ADCY7: variants seen among roughly 807,000 people sequenced by gnomAD.
ADCY7 encodes the protein adenylate cyclase 7.
Under a neutral mutation model 120.6 loss-of-function variants are expected in ADCY7, and 72 were observed. That is an observed-to-expected ratio of 0.60 (90% CI 0.49 to 0.73). The LOEUF is 0.73. Ranked by LOEUF, ADCY7 falls within the 30% of genes least tolerant of loss-of-function variation. ADCY7 has a pLI of 0.00. For missense variants in ADCY7, 1,227 were observed against 1,486.0 expected, an observed-to-expected ratio of 0.83 and a Z score of 2.87; for synonymous variants, 661 against 628.0, an observed-to-expected ratio of 1.05 and a Z score of -0.78.
intron 1 of ADCY7, among the ~76,000 whole-genome samples, chr16:50,259,499 T>A (rs1858124564): frequency 6.6e-6 from 1 of 152,226 alleles, no homozygotes; most frequent in South Asian, 2.1e-4. Flanking sequence ...CTGCTGTTAC[T>A]CAACACACCA....
chr16:50,291,674 C>T (rs549089973), intron 3 of ADCY7, 62 bp from the exon 4 acceptor site: 52 of 1,603,798 alleles, frequency 3.2e-5, no homozygotes, highest in Middle Eastern at 1.7e-4. Context: ...TGCAGGGTTC[C>T]GGGGGCTGTA....
intron 6 of ADCY7, among the ~76,000 whole-genome samples, chr16:50,294,163 G>A (rs911633766): frequency 6.6e-6 from 1 of 152,200 alleles, no homozygotes; most frequent in South Asian, 2.1e-4. Flanking sequence ...AAGTCTCAAT[G>A]TCCTGGAGCC....
chr16:50,294,403 G>A (rs1049063130), intron 6 of ADCY7, among the ~76,000 whole-genome samples: 12 of 152,206 alleles, frequency 7.9e-5, no homozygotes, highest in African/African-American at 2.4e-4. Context: ...GTGGGGCCGA[G>A]GGCTCCTGTA....
Position 50,313,127 on chromosome 16 carries a change from A to C in ADCY7, c.2751+91A>C, listed in dbSNP as rs990632065. 10 of 1,537,184 alleles carry C rather than the reference A, an allele frequency of 6.5e-6. No individual in the cohort carries two copies. The Admixed American group carries it at 9.1e-5, about 14-fold the overall frequency. ...ACCTGCCATCCTAAAACCCAATTTA[A>C]AAATGTGACACAGAGCTGGGCAAGG... is the stretch of plus-strand genomic sequence containing the variant. On this transcript the variant is annotated intron_variant, in intron 22 of 25. Coordinates refer to ENST00000673801, the MANE Select transcript of ADCY7 (RefSeq NM_001114.5).
At chr16:50,295,001 TGGGGCTCTGGAGCTCAGATG>T (rs2035253325) in intron 7 of ADCY7, among the ~76,000 whole-genome samples, 1 of 152,076 alleles carries the variant, frequency 6.6e-6, no homozygotes, top group African/African-American at 2.4e-5. Context: ...GGCGATATAC[TGGGGCTCTGGAGCTCAGATG>T]GGGGCTCAGG....
chr16:50,287,505 G>C (rs1204193381), intron 1 of ADCY7, among the ~76,000 whole-genome samples: 2 of 151,816 alleles, frequency 1.3e-5, no homozygotes. Context: ...CTGGGCAGCA[G>C]GGGGAGACGC....
chr16:50,305,781 TG>T lies in ADCY7; in HGVS notation c.1685del (p.Cys562SerfsTer41). The T allele has an allele frequency of 6.2e-7, 1 of 1,613,920 alleles. No individual in the cohort carries two copies. The highest frequency in any genetic ancestry group is 1.1e-5 in the South Asian group (1 of 91,082). On this transcript the variant is annotated frameshift_variant, in exon 14 of 26. Transcript: ENST00000673801. LOFTEE classifies it high-confidence loss of function. ...AIEGLSSTRPCCSKSDDFYTF... is the reference protein window; with the variant it reads ...AIEGLSSTRPXCSKSDDFYTF... Reference sequence around the variant, plus strand: ...CGCAGCTGCCCCCGCCCACAGGCCCTGCTGCTCCAAGTCCGATGACTTCTAC... The same window carrying T: ...CGCAGCTGCCCCCGCCCACAGGCCCTCTGCTCCAAGTCCGATGACTTCTAC...
rs1434260495 is a variant in ADCY7 at position 50,316,603 on chromosome 16, G to C, written c.*1098G>C. On this transcript the variant is annotated 3_prime_UTR_variant, in exon 26 of 26. Transcript: ENST00000673801. ...GCATGGGTGCATGCAGAGGCTCCTG[G>C]ATCTGGGAAGCCCGCCCCCTCACAA... is the stretch of plus-strand genomic sequence containing the variant. 6.6e-6 allele frequency: 1 copy of C among 152,304 alleles called. No homozygotes were observed. Among genetic ancestry groups the C allele is most frequent in the African/African-American group, 2.4e-5 (1 of 41,432 alleles). The allele number at this position is 152,304 out of a possible 1,614,324, so 9.4% of individuals were successfully genotyped here. A position where few individuals can be genotyped will look rare whatever the true frequency, so the allele number is the denominator to read the frequency against.
upstream of ADCY7, among the ~76,000 whole-genome samples, chr16:50,265,419 G>A: frequency 6.6e-6 from 1 of 152,206 alleles, no homozygotes; most frequent in East Asian, 1.9e-4. Flanking sequence ...TAGATCACCT[G>A]CTAGTTCCCT....
At chr16:50,264,830 G>C (rs2033149907), upstream of ADCY7, among the ~76,000 whole-genome samples, 1 of 143,334 alleles carries the variant, frequency 7.0e-6, no homozygotes, top group Non-Finnish European at 1.5e-5. Context: ...GTTTGTGGGA[G>C]GTCTTTTTTT....
At position 50,246,945 on chromosome 16, in the gene ADCY7, G is replaced by A. The variant is rs1043902024; in HGVS notation, c.-64+742G>A. 2.6e-5 allele frequency among the ~76,000 whole-genome samples: 4 copies of A among 152,336 alleles called. No homozygotes were observed. In the East Asian group the frequency reaches 7.7e-4, roughly 29 times the overall value. ...CAGAGCTGAAGCTGGAAATGACCAC[G>A]TGGGCGCCGTGGACAGAAGTAGAGC... is the stretch of plus-strand genomic sequence containing the variant. On this transcript the variant is annotated intron_variant, in intron 1 of 4. Coordinates refer to the ADCY7 transcript ENST00000564044.
intron 1 of ADCY7, among the ~76,000 whole-genome samples, chr16:50,276,832 A>G (rs1014877322): frequency 5.3e-5 from 8 of 152,152 alleles, no homozygotes; most frequent in Admixed American, 2.0e-4. Context: ...GGTCTTAAGC[A>G]GTCCTCCTGC....
chr16:50,305,515 C>A lies in ADCY7; in HGVS notation c.1608C>A (p.Pro536=). The stretch of plus-strand genomic sequence containing the variant: ...TATCTGATTCCAGAAGCATGTCCCC[C>A]AAGGGGCGGTCGGAGGATGACTCGT... ...HRRTPDRSMS[P]KGRSEDDSYD... Residue 536 remains proline, a synonymous_variant, in exon 13 of 26, where the codon CCC becomes CCA. Transcript: ENST00000673801. 1 of 1,612,554 alleles carries A rather than the reference C, an allele frequency of 6.2e-7. No homozygotes were observed. Among genetic ancestry groups the A allele is most frequent in the South Asian group, 1.1e-5 (1 of 90,814 alleles).
chr16:50,269,743 C>T (rs1010388498), intron 1 of ADCY7, among the ~76,000 whole-genome samples: 1 of 152,196 alleles, frequency 6.6e-6, no homozygotes, highest in Non-Finnish European at 1.5e-5. Context: ...TCCTACCTCT[C>T]CCACTGCCCA....
chr16:50,304,670 C>A, intron 11 of ADCY7, 119 bp downstream of exon 11: 1 of 1,127,136 alleles, frequency 8.9e-7, no homozygotes, highest in Non-Finnish European at 1.3e-6. Context: ...AAAATGGCCA[C>A]AGCCTCTGCC....
At chr16:50,268,441 C>T (rs1012811043) in intron 1 of ADCY7, among the ~76,000 whole-genome samples, 1 of 152,122 alleles carries the variant, frequency 6.6e-6, no homozygotes, top group Non-Finnish European at 1.5e-5. Flanking sequence ...CACTCTGTCA[C>T]CCATGCTGGA....
intron 1 of ADCY7, among the ~76,000 whole-genome samples, chr16:50,286,644 C>T (rs943176232): frequency 4.6e-5 from 7 of 151,976 alleles, no homozygotes; most frequent in Admixed American, 3.9e-4. Flanking sequence ...GCATGAGACT[C>T]ACTGGAAAAT....
intron 10 of ADCY7, chr16:50,301,835 G>C (rs537786067): frequency 1.3e-5 from 2 of 152,872 alleles, no homozygotes; most frequent in Non-Finnish European, 2.9e-5. Flanking sequence ...CAAGAATGTC[G>C]GCCCAGCCAG....
chr16:50,293,287 G>A (rs963573670), intron 5 of ADCY7, 67 bp from the exon 6 acceptor site: 4 of 1,566,702 alleles, frequency 2.6e-6, no homozygotes, highest in Non-Finnish European at 2.6e-6. Context: ...TACCCTGCCT[G>A]TCCCCCGCTG....
Sources: gnomAD v4.1 joint callset for allele counts (sites outside exome capture counted in the v4.1 genomes callset) on GRCh38, gnomAD v4.1.1 for gene constraint, MANE v1.5 for transcripts, NCBI Gene and HGNC (gene_info 2026-07-23, HGNC 2026-07-21) for gene names.